SDK2: variants seen among roughly 807,000 people sequenced by gnomAD.
The protein encoded by SDK2 is protein sidekick-2.
A neutral mutation model predicts 253.9 loss-of-function variants in SDK2; 105 were observed. The ratio of observed to expected loss-of-function variants is 0.41; its 90% confidence interval spans 0.35 to 0.49. SDK2 has a LOEUF of 0.49. SDK2 is among the 20% of genes least tolerant of loss of function. The pLI is 0.06. For synonymous variants in SDK2, 1,249 were observed against 1,234.9 expected, an observed-to-expected ratio of 1.01 and a Z score of -0.24; for missense variants, 2,608 against 3,003.0, an observed-to-expected ratio of 0.87 and a Z score of 3.07.
rs1178520328 is a variant in SDK2, at chr17:73,395,106, A to AC, written c.3592+48dup. 1 of 1,461,724 alleles carries AC rather than the reference A, an allele frequency of 6.8e-7. No individual in the cohort carries two copies. Among genetic ancestry groups the AC allele is most frequent in the Admixed American group, 2.0e-5 (1 of 50,650 alleles). The allele number at this position is 1,461,724 out of a possible 1,614,324, so 90.5% of individuals were successfully genotyped here. A position where few individuals can be genotyped will look rare whatever the true frequency, so the allele number is the denominator to read the frequency against. On this transcript the variant is annotated intron_variant, in intron 25 of 44. Transcript: ENST00000392650. The surrounding 1 kb of genome is among the most constrained non-coding windows in gnomAD (Gnocchi z 4.3). Reference sequence around the variant, plus strand: ...CTTGGATGACCCTGAGGGCATAGAGACCAAGGAGGGGACAGGCAGCAGGGT... The same window carrying AC: ...CTTGGATGACCCTGAGGGCATAGAGACCCAAGGAGGGGACAGGCAGCAGGGT...
intron 1 of SDK2, among the ~76,000 whole-genome samples, chr17:73,599,598 G>A (rs186050324): frequency 2.8e-4 from 42 of 151,934 alleles, no homozygotes; most frequent in Admixed American, 2.0e-4. Flanking sequence ...GAGAGAGGGA[G>A]CAAGGAAGGA....
chr17:73,437,821 T>G lies in SDK2; in HGVS notation c.918A>C (p.Glu306Asp), dbSNP rs1251286263. 2 of 1,613,938 alleles carry G rather than the reference T, an allele frequency of 1.2e-6. No homozygotes were observed. Among genetic ancestry groups the G allele is most frequent in the Middle Eastern group, 1.6e-4 (1 of 6,062 alleles). ...CTGGCTCCTTGACAAACTGAGGCGG[T>G]TCTGCAGGAGGAAGGACCAGGGGAG... ...VVRGAYLSVL[E>D]PPQFVKEPER... Residue 306 changes from glutamate (E) to aspartate (D), a missense_variant and splice_region_variant, in exon 8 of 45, where the codon GAA (glutamate) becomes GAC (aspartate). Coordinates refer to ENST00000392650, the MANE Select transcript of SDK2 (RefSeq NM_001144952.2).
At chr17:73,359,748 C>T (rs1028462625) in intron 39 of SDK2, among the ~76,000 whole-genome samples, 6 of 152,184 alleles carry the variant, frequency 3.9e-5, no homozygotes, top group Admixed American at 2.0e-4. Context: ...TGGGCTCAAA[C>T]GATTCTCCCA....
At chr17:73,368,107 T>C (rs917620250) in intron 37 of SDK2, among the ~76,000 whole-genome samples, 1 of 151,744 alleles carries the variant, frequency 6.6e-6, no homozygotes, top group African/African-American at 2.4e-5. Context: ...GGAGCAGAAG[T>C]AGGCTGGCTG....
chr17:73,447,108 G>T lies in SDK2; in HGVS notation c.613+507C>A, dbSNP rs922536118. Among the ~76,000 whole-genome samples, 1 of 152,148 alleles carries T rather than the reference G, an allele frequency of 6.6e-6. No homozygotes were observed. On this transcript the variant is annotated intron_variant, in intron 5 of 44. Transcript: ENST00000392650. The surrounding 1 kb of genome is among the most constrained non-coding windows in gnomAD (Gnocchi z 4.0). ...CTGAGGATGGAGGTGTTTTAGGTGG[G>T]TGCCTGGGCAGAGGGCCTGTCTTCC...
At chr17:73,351,309 C>T (rs979564806) in intron 41 of SDK2, among the ~76,000 whole-genome samples, 1 of 152,150 alleles carries the variant, frequency 6.6e-6, no homozygotes, top group Non-Finnish European at 1.5e-5. Flanking sequence ...GGGGTTTCAC[C>T]ATGTTGGCCA....
chr17:73,447,187 C>G lies in SDK2; in HGVS notation c.613+428G>C, dbSNP rs1295301236. Among the ~76,000 whole-genome samples the G allele has an allele frequency of 6.6e-6, 1 of 152,134 alleles. No individual in the cohort carries two copies. Among genetic ancestry groups the G allele is most frequent in the Non-Finnish European group, 1.5e-5 (1 of 68,038 alleles). ...ATAGACAGCACTTCTTATGTGACAG[C>G]CAAGTAGAGACAGTTAGTATATTTC... On this transcript the variant is annotated intron_variant, in intron 5 of 44. Coordinates refer to ENST00000392650, the MANE Select transcript of SDK2 (RefSeq NM_001144952.2). The surrounding 1 kb of genome is among the most constrained non-coding windows in gnomAD (Gnocchi z 4.0).
At chr17:73,410,075 A>C (rs893171254) in intron 18 of SDK2, among the ~76,000 whole-genome samples, 5 of 152,136 alleles carry the variant, frequency 3.3e-5, no homozygotes, top group Non-Finnish European at 7.4e-5. Flanking sequence ...GCTGGTCTCA[A>C]ACTCCTGGGC....
intron 2 of SDK2, among the ~76,000 whole-genome samples, chr17:73,488,231 T>C (rs2063782341): frequency 1.3e-5 from 2 of 152,158 alleles, no homozygotes; most frequent in Non-Finnish European, 2.9e-5. Context: ...TTAGCCAGGA[T>C]GGTCTCGATC....
At position 73,386,451 on chromosome 17, in the gene SDK2, G is replaced by A; in HGVS notation, c.4492C>T (p.Gln1498Ter). 6.4e-7 allele frequency: 1 copy of A among 1,553,196 alleles called. No individual in the cohort carries two copies. The part of the protein sequence containing the change: ...SEESESLTTL[Q>*]AAPDEAPTIL... Reference sequence around the variant, plus strand: ...CTGGGGAAGGGGTACTGACCAGCCTGCAGGGTGGTCAGTGACTCCGACTCC... The same window carrying A: ...CTGGGGAAGGGGTACTGACCAGCCTACAGGGTGGTCAGTGACTCCGACTCC... Residue 1498 changes from glutamine (Q) to a stop codon, truncating the protein, a stop_gained, in exon 31 of 45, where the codon CAG (glutamine) becomes TAG (stop). Transcript: ENST00000392650. LOFTEE classifies it high-confidence loss of function.
In SDK2 at chr17:73,352,030, G is replaced by A. The variant is rs1410980627; in HGVS notation, c.5758+443C>T. The stretch of plus-strand genomic sequence containing the variant: ...ATGAGGGGAGGAAAATGGGAGGGGT[G>A]GTGACCCTGCTGCACCCAGGCACTA... On this transcript the variant is annotated intron_variant, in intron 41 of 44. Transcript: ENST00000392650. This position sits in a 1 kb window ranked among gnomAD's most constrained non-coding sequence, Gnocchi z 4.1. 1.3e-5 allele frequency among the ~76,000 whole-genome samples: 2 copies of A among 152,132 alleles called. No homozygotes were observed. Among genetic ancestry groups the A allele is most frequent in the South Asian group, 4.2e-4 (2 of 4,812 alleles).
chr17:73,480,764 G>T (rs1014873482), intron 2 of SDK2, among the ~76,000 whole-genome samples: 2 of 152,060 alleles, frequency 1.3e-5, no homozygotes, highest in African/African-American at 4.8e-5. Context: ...GAGAGACAGG[G>T]GACAGAGACA....
At chr17:73,355,379 C>T (rs2062583333) in intron 40 of SDK2, among the ~76,000 whole-genome samples, 1 of 151,150 alleles carries the variant, frequency 6.6e-6, no homozygotes, top group South Asian at 2.1e-4. Flanking sequence ...CAGAGTCTCA[C>T]TCTGTCACCC....
In SDK2 at chr17:73,401,627, C is replaced by T. The variant is rs768988267; in HGVS notation, c.2779+27G>A. Reference sequence around the variant, plus strand: ...ACCTTTCCCAGCCCTGTCCTGCCCTCTGGTTCAGAAACACTGCAGTGCCTA... The same window carrying T: ...ACCTTTCCCAGCCCTGTCCTGCCCTTTGGTTCAGAAACACTGCAGTGCCTA... On this transcript the variant is annotated intron_variant, in intron 20 of 44. Transcript: ENST00000392650. 5 of 1,556,140 alleles carry T rather than the reference C, an allele frequency of 3.2e-6. No individual in the cohort carries two copies. The East Asian group carries it at 1.2e-4, about 36-fold the overall frequency.
intron 2 of SDK2, among the ~76,000 whole-genome samples, chr17:73,500,853 C>T (rs2063885535): frequency 6.7e-6 from 1 of 149,326 alleles, no homozygotes; most frequent in South Asian, 2.2e-4. Context: ...ATCCTCCCTC[C>T]ATTCTCCTCC....
chr17:73,378,685 G>T (rs371043422), intron 36 of SDK2, among the ~76,000 whole-genome samples: 2 of 152,176 alleles, frequency 1.3e-5, no homozygotes, highest in Admixed American at 6.5e-5. Flanking sequence ...CTCCCAAAGC[G>T]CTGGGATTAA....
chr17:73,565,048 T>C lies in SDK2; in HGVS notation c.65-57451A>G, dbSNP rs560788131. 6.8e-4 allele frequency among the ~76,000 whole-genome samples: 104 copies of C among 152,228 alleles called. 2 individuals carry two copies. Among genetic ancestry groups the C allele is most frequent in the African/African-American group, 2.3e-3 (97 of 41,544 alleles). On this transcript the variant is annotated intron_variant, in intron 1 of 44. Coordinates refer to ENST00000392650, the MANE Select transcript of SDK2 (RefSeq NM_001144952.2). ...TGGCACTGGGTGAACTTCCCATATT[T>C]ATGGGTATTTGTTTGAGGTCAGGCT...
At chr17:73,577,816 C>T (rs1430101027) in intron 1 of SDK2, among the ~76,000 whole-genome samples, 1 of 152,142 alleles carries the variant, frequency 6.6e-6, no homozygotes, top group Non-Finnish European at 1.5e-5. Flanking sequence ...ATCCCTGGAA[C>T]CTGTGAATAC....
Position 73,338,775 on chromosome 17 carries a change from C to G in SDK2, c.6331G>C (p.Asp2111His). ...GTGCTGTTGGTGACGGTGGTGTGGTCTGGCTCACCCGAGTCGCTCTCCGTG... is the reference window on the plus strand; with the variant it reads ...GTGCTGTTGGTGACGGTGGTGTGGTGTGGCTCACCCGAGTCGCTCTCCGTG... ...SYTESDSGEP[D>H]HTTVTNSTST... The change falls in exon 45 of 45, where the codon GAC becomes CAC. Residue 2111 changes from aspartate (D) to histidine (H), a missense_variant. By Grantham distance (81) the Asp-to-His change is moderately conservative (BLOSUM62 -1). This residue lies in a region of SDK2 where 1,103 missense variants were observed against 1,143.9 expected (regional missense o/e 0.96). Transcript: ENST00000392650. The surrounding 1 kb of genome is among the most constrained non-coding windows in gnomAD (Gnocchi z 5.0). The G allele has an allele frequency of 6.2e-7, 1 of 1,613,888 alleles. No homozygotes were observed. The highest frequency in any genetic ancestry group is 8.5e-7 in the Non-Finnish European group (1 of 1,179,884).
Sources: gnomAD v4.1 joint callset for allele counts (sites outside exome capture counted in the v4.1 genomes callset) on GRCh38, gnomAD v4.1.1 for gene constraint, gnomAD v4.1.1 regional missense constraint, Gnocchi (gnomAD v3.1) non-coding constraint, MANE v1.5 for transcripts, NCBI Gene and HGNC (gene_info 2026-07-23, HGNC 2026-07-21) for gene names.